CLVS1: variants seen among roughly 807,000 people sequenced by gnomAD.
The protein encoded by CLVS1 is clavesin 1, also known as clavesin-1.
A neutral mutation model predicts 33.1 loss-of-function variants in CLVS1; 10 were observed. The observed-to-expected ratio is 0.30, with a 90% CI of 0.19 to 0.51. The LOEUF is 0.51. Among genes scored for constraint, CLVS1 ranks in the 20% least tolerant of loss-of-function variants. The pLI, the probability that CLVS1 is intolerant of heterozygous loss-of-function variation, is 0.97. For missense variants in CLVS1, 343 were observed against 433.4 expected (o/e 0.79, Z 1.85); for synonymous variants, 163 against 166.1 (o/e 0.98, Z 0.14).
chr8:61,396,110 A>G (rs1056977094), intron 3 of CLVS1, among the ~76,000 whole-genome samples: 3 of 152,150 alleles, frequency 2.0e-5, no homozygotes, highest in African/African-American at 7.2e-5. Context: ...AAAACGTTCC[A>G]TCCTTTTCAC....
chr8:61,354,163 G>A (rs1812589148), intron 2 of CLVS1, among the ~76,000 whole-genome samples: 1 of 152,010 alleles, frequency 6.6e-6, no homozygotes, highest in Admixed American at 6.6e-5. Flanking sequence ...AATATTTTAA[G>A]AAGAATTAAC....
chr8:61,112,860 T>C (rs1302405547), intron 1 of CLVS1, among the ~76,000 whole-genome samples: 1 of 152,190 alleles, frequency 6.6e-6, no homozygotes, highest in East Asian at 1.9e-4. Flanking sequence ...GGAACAATCA[T>C]GCCAATCTTC....
At chr8:61,318,859 C>T (rs1193925171) in intron 2 of CLVS1, among the ~76,000 whole-genome samples, 1 of 152,102 alleles carries the variant, frequency 6.6e-6, no homozygotes, top group Non-Finnish European at 1.5e-5. Flanking sequence ...GAGCCTTCTG[C>T]TTTGGCCTCC....
At chr8:61,113,521 G>C (rs1805666202) in intron 1 of CLVS1, among the ~76,000 whole-genome samples, 1 of 152,194 alleles carries the variant, frequency 6.6e-6, no homozygotes, top group Non-Finnish European at 1.5e-5. Flanking sequence ...TCTGCAGGAA[G>C]CTGGCTTCTT....
intron 2 of CLVS1, among the ~76,000 whole-genome samples, chr8:61,149,058 T>G (rs1806470386): frequency 6.6e-6 from 1 of 152,152 alleles, no homozygotes; most frequent in Non-Finnish European, 1.5e-5. Flanking sequence ...ACACTTAGCA[T>G]AAGTTGAAAT....
At chr8:61,113,043 A>C (rs1178673911) in intron 1 of CLVS1, among the ~76,000 whole-genome samples, 1 of 152,052 alleles carries the variant, frequency 6.6e-6, no homozygotes, top group African/African-American at 2.4e-5. Context: ...GGAGCATTGG[A>C]AACTGTGGGA....
chr8:61,288,463 C>T (rs1328822886), intron 1 of CLVS1, among the ~76,000 whole-genome samples: 1 of 152,168 alleles, frequency 6.6e-6, no homozygotes, highest in Non-Finnish European at 1.5e-5. Flanking sequence ...AGCCCGAGGT[C>T]CGCAGGGCAG....
At chr8:61,047,507 G>A in the CLVS1 span, among the ~76,000 whole-genome samples, 13 of 152,282 alleles carry the variant, frequency 8.5e-5, no homozygotes, top group Admixed American at 7.8e-4. Flanking sequence ...GTTTATTGCG[G>A]CACTATTCAC....
At chr8:61,454,080 C>A in intron 3 of CLVS1, 61 bp from the exon 4 acceptor site, 1 of 1,161,524 alleles carries the variant, frequency 8.6e-7, no homozygotes, top group Non-Finnish European at 1.3e-6. Flanking sequence ...ATTGGTCCTG[C>A]TGGTCCAGTC....
chr8:61,240,987 T>C (rs1808688097), intron 2 of CLVS1, among the ~76,000 whole-genome samples: 1 of 147,854 alleles, frequency 6.8e-6, no homozygotes, highest in African/African-American at 2.5e-5. Flanking sequence ...TAAACAGAAA[T>C]TTATTTCTCA....
intron 2 of CLVS1, among the ~76,000 whole-genome samples, chr8:61,301,739 T>C (rs1810444644): frequency 6.6e-6 from 1 of 152,204 alleles, no homozygotes; most frequent in Non-Finnish European, 1.5e-5. Flanking sequence ...GGTAGTCTGA[T>C]GTGAGAGCCA....
chr8:61,047,106 A>G, the CLVS1 span, among the ~76,000 whole-genome samples: 2 of 152,226 alleles, frequency 1.3e-5, no homozygotes, highest in African/African-American at 4.8e-5. Flanking sequence ...TGACAAATTT[A>G]CAAGAAAAAA....
chr8:61,473,357 A>G (rs1817800584), intron 5 of CLVS1, among the ~76,000 whole-genome samples: 2 of 151,608 alleles, frequency 1.3e-5, no homozygotes, highest in Admixed American at 6.6e-5. Context: ...AAAAAAAAAA[A>G]AAAAAAAGAC....
chr8:61,218,780 CAA>C (rs748142714), intron 2 of CLVS1, among the ~76,000 whole-genome samples: 89 of 37,910 alleles, frequency 2.3e-3, no homozygotes, highest in African/African-American at 0.011. Context: ...AGTAAAAATA[CAA>C]AAAAAAAAAA....
chr8:61,375,993 T>A lies in CLVS1; in HGVS notation c.456-612T>A, dbSNP rs144878509. Reference sequence around the variant, plus strand: ...ACTGATGTACTCAAAGCGAATTCCCTCCCAAATCACACTCTGTAGACCTTC... The same window carrying A: ...ACTGATGTACTCAAAGCGAATTCCCACCCAAATCACACTCTGTAGACCTTC... On this transcript the variant is annotated intron_variant, in intron 2 of 5. Coordinates refer to ENST00000325897, the MANE Select transcript of CLVS1 (RefSeq NM_173519.3). Among the ~76,000 whole-genome samples the A allele has an allele frequency of 1.4e-3, 218 of 152,308 alleles. 1 individual carries two copies. The East Asian group carries it at 0.031, about 22-fold the overall frequency.
intron 2 of CLVS1, among the ~76,000 whole-genome samples, chr8:61,229,437 A>G (rs1808389215): frequency 6.6e-6 from 1 of 152,156 alleles, no homozygotes; most frequent in Non-Finnish European, 1.5e-5. Context: ...CACTCTCTAG[A>G]CAGCAAATTG....
intron 2 of CLVS1, among the ~76,000 whole-genome samples, chr8:61,332,623 A>G (rs1811641341): frequency 6.6e-6 from 1 of 152,146 alleles, no homozygotes; most frequent in Admixed American, 6.5e-5. Context: ...TTAAATGAAG[A>G]GGAGATAAAC....
At chr8:61,163,801 A>G (rs777224323) in intron 2 of CLVS1, among the ~76,000 whole-genome samples, 4 of 152,196 alleles carry the variant, frequency 2.6e-5, no homozygotes, top group Non-Finnish European at 5.9e-5. Flanking sequence ...GGGAGTACCA[A>G]TGGGCGCCTT....
intron 2 of CLVS1, among the ~76,000 whole-genome samples, chr8:61,235,153 C>T (rs1234863980): frequency 7.6e-6 from 1 of 131,902 alleles, no homozygotes; most frequent in Non-Finnish European, 1.7e-5. Context: ...TTCCTTTAAG[C>T]AATTGCTGGT....
Sources: allele counts gnomAD v4.1 joint callset (sites outside exome capture counted in the v4.1 genomes callset), GRCh38; gene constraint gnomAD v4.1.1; transcripts MANE v1.5; gene names NCBI Gene and HGNC (gene_info 2026-07-23, HGNC 2026-07-21).